LARGE1: variants seen among roughly 807,000 people sequenced by gnomAD.
The protein encoded by LARGE1 is LARGE xylosyl- and glucuronyltransferase 1, also known as xylosyl- and glucuronyltransferase LARGE1.
In LARGE1, 43 loss-of-function variants were observed where a neutral mutation model predicts 87.6. That is an observed-to-expected ratio of 0.49 (90% CI 0.38 to 0.63). LARGE1 has a LOEUF of 0.63. Among genes scored for constraint, LARGE1 ranks in the 30% least tolerant of loss-of-function variants. The pLI is 0.00. For synonymous variants in LARGE1, 434 were observed against 394.6 expected (o/e 1.10, Z -1.18); for missense variants, 802 against 1,000.2 (o/e 0.80, Z 2.67).
intron 1 of LARGE1, among the ~76,000 whole-genome samples, chr22:33,906,607 T>C (rs1289525695): frequency 2.0e-5 from 3 of 152,122 alleles, no homozygotes; most frequent in Non-Finnish European, 4.4e-5. Context: ...GCCTTTCCTA[T>C]CCCATTCATT....
chr22:33,479,677 A>G (rs1175313517), intron 6 of LARGE1, among the ~76,000 whole-genome samples: 1 of 152,066 alleles, frequency 6.6e-6, no homozygotes, highest in Non-Finnish European at 1.5e-5. Context: ...GTTCCCCACA[A>G]TTACTAGAAT....
At position 33,920,087 on chromosome 22, in the gene LARGE1, AGG is replaced by A. The variant is rs1297631666; in HGVS notation, c.-177_-176del. ...CTACGAGGCGCAGGGGGTCCGGGTC[AGG>A]GTCCCGGCAGGCGCTGCCCTACTCG... On this transcript the variant is annotated 5_prime_UTR_variant, in exon 1 of 15. The change abolishes the stop of an existing upstream ORF in the 5' untranslated region. Transcript: ENST00000397394. 3.9e-5 allele frequency: 6 copies of A among 152,084 alleles called. No individual in the cohort carries two copies. The allele number at this position is 152,084 out of a possible 1,614,324, so 9.4% of individuals were successfully genotyped here.
At chr22:33,189,727 G>C (rs1923678231) in intron 11 of LARGE1, among the ~76,000 whole-genome samples, 1 of 152,136 alleles carries the variant, frequency 6.6e-6, no homozygotes, top group South Asian at 2.1e-4. Context: ...GAAATGGAGT[G>C]GTGAGATGGT....
intron 12 of LARGE1, among the ~76,000 whole-genome samples, chr22:33,302,561 G>A (rs1024751589): frequency 1.3e-5 from 2 of 152,134 alleles, no homozygotes; most frequent in African/African-American, 2.4e-5. Flanking sequence ...CTAAACCTAC[G>A]CTTTGGCTTC....
chr22:33,748,706 G>A (rs1317554428), intron 2 of LARGE1, among the ~76,000 whole-genome samples: 2 of 152,198 alleles, frequency 1.3e-5, no homozygotes, highest in Non-Finnish European at 2.9e-5. Context: ...TGCATCAGAG[G>A]ATGGCCCTTT....
chr22:33,665,943 A>T (rs1046560505), intron 2 of LARGE1, among the ~76,000 whole-genome samples: 5 of 152,248 alleles, frequency 3.3e-5, no homozygotes, highest in African/African-American at 9.6e-5. Context: ...GCTTAAGTAA[A>T]GTTTAAGTAA....
chr22:33,104,927 C>CTTTCTTTCTTTCTT, the LARGE1 span, among the ~76,000 whole-genome samples: 2 of 143,432 alleles, frequency 1.4e-5, no homozygotes, highest in Non-Finnish European at 3.0e-5. Context: ...TTCTTTCTTT[C>CTTTCTTTCTTTCTT]TTTCTTTCTT....
At chr22:33,498,400 A>G (rs1233318023) in intron 6 of LARGE1, among the ~76,000 whole-genome samples, 2 of 152,188 alleles carry the variant, frequency 1.3e-5, no homozygotes, top group East Asian at 3.8e-4. Context: ...GGAAAAAGCA[A>G]GCTGTGATTA....
At chr22:33,197,931 C>A (rs1249533932) in intron 11 of LARGE1, among the ~76,000 whole-genome samples, 10 of 151,910 alleles carry the variant, frequency 6.6e-5, no homozygotes, top group Admixed American at 6.6e-4. Context: ...TGGATCAATG[C>A]CACATAATAG....
intron 4 of LARGE1, among the ~76,000 whole-genome samples, chr22:33,608,776 T>C (rs1569309482): frequency 6.6e-6 from 1 of 152,326 alleles, no homozygotes; most frequent in African/African-American, 2.4e-5. Context: ...TGGCTTGGCA[T>C]CCCGGCTGCA....
chr22:33,336,869 G>T (rs371673529), intron 10 of LARGE1, among the ~76,000 whole-genome samples: 2 of 152,000 alleles, frequency 1.3e-5, no homozygotes, highest in South Asian at 2.1e-4. Context: ...AGACCATCCT[G>T]GCTAACACGG....
chr22:33,902,295 A>G lies in LARGE1; in HGVS notation c.-83+17700T>C, dbSNP rs2065305235. 2.0e-5 allele frequency among the ~76,000 whole-genome samples: 3 copies of G among 152,206 alleles called. No individual in the cohort carries two copies. In the South Asian group the frequency reaches 6.2e-4, roughly 32 times the overall value. ...TTGGCCAATCCACTGCTCCAGTGGG[A>G]AGAATAGGATGAGCTGTTGGTCTCA... On this transcript the variant is annotated intron_variant, in intron 1 of 14. Transcript: ENST00000397394.
chr22:33,341,126 G>A (rs1236265084), intron 9 of LARGE1, among the ~76,000 whole-genome samples: 1 of 152,020 alleles, frequency 6.6e-6, no homozygotes, highest in East Asian at 1.9e-4. Flanking sequence ...TGGGATCTTC[G>A]AGAAGTCATT....
chr22:33,246,608 T>C (rs1215896705), intron 11 of LARGE1, among the ~76,000 whole-genome samples: 2 of 152,198 alleles, frequency 1.3e-5, no homozygotes, highest in Non-Finnish European at 2.9e-5. Flanking sequence ...ATCGCACCAC[T>C]GCACTCCAGC....
the LARGE1 span, among the ~76,000 whole-genome samples, chr22:33,079,962 T>C: frequency 6.6e-6 from 1 of 152,188 alleles, no homozygotes; most frequent in African/African-American, 2.4e-5. Context: ...CTCTTGCATG[T>C]GCTCAGGAAC....
intron 9 of LARGE1, among the ~76,000 whole-genome samples, chr22:33,365,784 T>C (rs1044439037): frequency 6.6e-6 from 1 of 152,078 alleles, no homozygotes; most frequent in Non-Finnish European, 1.5e-5. Context: ...GTCTGGCTAA[T>C]TTTTGTATTT....
At chr22:33,807,699 C>A (rs953364858) in intron 1 of LARGE1, among the ~76,000 whole-genome samples, 12 of 152,356 alleles carry the variant, frequency 7.9e-5, no homozygotes, top group African/African-American at 2.6e-4. Flanking sequence ...AACCACTGAT[C>A]TTTTTACTAT....
At chr22:33,547,612 G>A (rs547134697) in intron 6 of LARGE1, among the ~76,000 whole-genome samples, 7 of 151,850 alleles carry the variant, frequency 4.6e-5, no homozygotes, top group African/African-American at 1.7e-4. Flanking sequence ...TGACCAACAT[G>A]GTGAAACCCC....
intron 1 of LARGE1, among the ~76,000 whole-genome samples, chr22:33,810,092 A>G (rs1477125251): frequency 1.3e-5 from 2 of 152,216 alleles, no homozygotes; most frequent in African/African-American, 4.8e-5. Context: ...AACAAGACAC[A>G]GCATGGGGGA....
Sources: gnomAD v4.1 joint callset for allele counts (sites outside exome capture counted in the v4.1 genomes callset) on GRCh38, gnomAD v4.1.1 for gene constraint, MANE v1.5 for transcripts, NCBI Gene and HGNC (gene_info 2026-07-23, HGNC 2026-07-21) for gene names.